Variants in CDH18 observed in about 807,000 individuals in gnomAD.
CDH18 encodes the protein cadherin-18.
A neutral mutation model predicts 67.9 loss-of-function variants in CDH18; 31 were observed. That is an observed-to-expected ratio of 0.46 (90% CI 0.34 to 0.62). CDH18 has a LOEUF of 0.62. Among genes scored for constraint, CDH18 ranks in the 20% least tolerant of loss-of-function variants. The probability of loss-of-function intolerance (pLI) is 0.01; values close to 1 mark genes in which losing one functional copy is unlikely to be tolerated. For synonymous variants in CDH18, 362 were observed against 347.2 expected (o/e 1.04, Z -0.48); for missense variants, 890 against 975.5 (o/e 0.91, Z 1.17).
chr5:19,707,472 C>T (rs1404911657), intron 5 of CDH18, among the ~76,000 whole-genome samples: 3 of 152,146 alleles, frequency 2.0e-5, no homozygotes, highest in Admixed American at 6.5e-5. Flanking sequence ...GGCTGGACCC[C>T]CCAGTGGAGG....
At chr5:20,400,651 G>T (rs1210126004) in intron 1 of CDH18, among the ~76,000 whole-genome samples, 1 of 149,830 alleles carries the variant, frequency 6.7e-6, no homozygotes, top group African/African-American at 2.5e-5. Context: ...AATCCCAGCT[G>T]CTCAGGAGGC....
chr5:19,839,930 T>A (rs1454637573), intron 2 of CDH18, among the ~76,000 whole-genome samples: 1 of 151,710 alleles, frequency 6.6e-6, no homozygotes, highest in African/African-American at 2.4e-5. Flanking sequence ...TAGCGGTAAA[T>A]AAACAGAGGA....
intron 2 of CDH18, among the ~76,000 whole-genome samples, chr5:20,057,023 A>G (rs1197076247): frequency 6.6e-6 from 1 of 152,072 alleles, no homozygotes; most frequent in Non-Finnish European, 1.5e-5. Flanking sequence ...AAGTACCTAC[A>G]ATTAACTTTT....
intron 2 of CDH18, among the ~76,000 whole-genome samples, chr5:19,865,289 A>G (rs80351339): frequency 0.026 from 3,885 of 152,156 alleles, 169 homozygotes; most frequent in African/African-American, 0.088. Context: ...AAGTACCTCA[A>G]TTTTGTGAGT....
chr5:20,098,356 T>G (rs962842361), intron 2 of CDH18, among the ~76,000 whole-genome samples: 2 of 152,096 alleles, frequency 1.3e-5, no homozygotes, highest in African/African-American at 4.8e-5. Flanking sequence ...GATGATTTTA[T>G]ATAGACACTG....
chr5:20,012,206 T>A (rs1004051536), intron 2 of CDH18, among the ~76,000 whole-genome samples: 15 of 152,104 alleles, frequency 9.9e-5, no homozygotes, highest in African/African-American at 3.6e-4. Context: ...TCTTCTAGAT[T>A]TTCCAGTTTA....
intron 6 of CDH18, among the ~76,000 whole-genome samples, chr5:19,599,977 G>A (rs901258190): frequency 6.6e-6 from 1 of 152,040 alleles, no homozygotes; most frequent in Admixed American, 6.6e-5. Context: ...TGTTTTCAGG[G>A]TGGGAGAGAC....
At chr5:20,394,237 G>C (rs1489300617) in intron 1 of CDH18, among the ~76,000 whole-genome samples, 4 of 143,842 alleles carry the variant, frequency 2.8e-5, no homozygotes, top group African/African-American at 1.1e-4. Context: ...AGAGAATATA[G>C]AATCCCCCCC....
At chr5:20,354,915 G>A (rs1741485169) in intron 1 of CDH18, among the ~76,000 whole-genome samples, 1 of 152,138 alleles carries the variant, frequency 6.6e-6, no homozygotes, top group Non-Finnish European at 1.5e-5. Context: ...CCTTCTGCAT[G>A]AAAGGTATGC....
intron 5 of CDH18, among the ~76,000 whole-genome samples, chr5:19,704,578 A>G (rs1168543266): frequency 2.0e-5 from 3 of 152,126 alleles, no homozygotes; most frequent in Non-Finnish European, 4.4e-5. Flanking sequence ...CAGAAAGACA[A>G]AGTTCCCGCC....
chr5:19,559,915 C>CAAAAA lies in CDH18; in HGVS notation c.1253+11659_1253+11663dup, dbSNP rs754748614. ...GAACTCAACCCCTTTATAATAGTTG[C>CAAAAA]AAAAACAAACAAAAAAAAAACTCAG... is the stretch of plus-strand genomic sequence containing the variant. On this transcript the variant is annotated intron_variant, in intron 8 of 12. Coordinates refer to ENST00000382275, the MANE Select transcript of CDH18 (RefSeq NM_004934.5). Among the ~76,000 whole-genome samples, 711 of 131,528 alleles carry CAAAAA rather than the reference C, an allele frequency of 5.4e-3. 10 individuals are homozygous for CAAAAA. The highest frequency in any genetic ancestry group is 0.019 in the African/African-American group (645 of 33,244). The allele number at this position is 131,528 out of a possible 152,430, so 86.3% of individuals were successfully genotyped here. A position where few individuals can be genotyped will look rare whatever the true frequency, so the allele number is the denominator to read the frequency against.
At chr5:20,230,265 G>A (rs559192284) in intron 2 of CDH18, among the ~76,000 whole-genome samples, 1 of 152,106 alleles carries the variant, frequency 6.6e-6, no homozygotes, top group East Asian at 1.9e-4. Context: ...TCACATATGT[G>A]GTCATCCACT....
intron 1 of CDH18, among the ~76,000 whole-genome samples, chr5:20,362,098 T>C (rs79068269): frequency 0.023 from 3,488 of 152,198 alleles, 99 homozygotes; most frequent in East Asian, 0.075. Context: ...AATTAGCGAA[T>C]TAATGTCAAG....
At chr5:20,161,271 T>C (rs181183264) in intron 2 of CDH18, among the ~76,000 whole-genome samples, 182 of 152,332 alleles carry the variant, frequency 1.2e-3, no homozygotes, top group Non-Finnish European at 2.1e-3. Context: ...GTCAACTTGG[T>C]GTCTCACATG....
intron 2 of CDH18, among the ~76,000 whole-genome samples, chr5:20,115,844 T>C (rs997615636): frequency 2.0e-5 from 3 of 152,136 alleles, no homozygotes; most frequent in African/African-American, 7.2e-5. Flanking sequence ...ATTAAAATCA[T>C]GGCTAACCAT....
rs1407488920 is a variant in CDH18, at chr5:20,028,187, A to G, written c.-517-36173T>C. 7.2e-5 allele frequency among the ~76,000 whole-genome samples: 11 copies of G among 151,958 alleles called. No homozygotes were observed. The South Asian group carries it at 2.1e-3, about 29-fold the overall frequency. On this transcript the variant is annotated intron_variant, in intron 2 of 14. Coordinates refer to the CDH18 transcript ENST00000507958. ...GAAACTACTTGTGCACCAAGCTGGT[A>G]TGTTTTCAATATATTACAAATAAAA...
intron 2 of CDH18, among the ~76,000 whole-genome samples, chr5:20,026,942 G>A (rs1021043422): frequency 1.3e-5 from 2 of 150,564 alleles, no homozygotes; most frequent in Non-Finnish European, 2.9e-5. Flanking sequence ...GGGTGACAGC[G>A]TGACTCCGTT....
intron 2 of CDH18, among the ~76,000 whole-genome samples, chr5:20,148,377 G>A (rs761940307): frequency 3.9e-5 from 6 of 152,062 alleles, no homozygotes; most frequent in South Asian, 2.1e-4. Context: ...GATTACATGC[G>A]TGAGCCACCG....
chr5:19,775,497 G>A (rs755280643), intron 3 of CDH18, among the ~76,000 whole-genome samples: 3 of 152,108 alleles, frequency 2.0e-5, no homozygotes, highest in African/African-American at 4.8e-5. Flanking sequence ...GGTGAGGCAG[G>A]AGCAGACACC....
Sources: gnomAD v4.1 joint callset for allele counts (sites outside exome capture counted in the v4.1 genomes callset) on GRCh38, gnomAD v4.1.1 for gene constraint, MANE v1.5 for transcripts, NCBI Gene and HGNC (gene_info 2026-07-23, HGNC 2026-07-21) for gene names.